The following ZBTB41 variants were observed in gnomAD, a reference collection of about 807,000 sequenced individuals.
ZBTB41 encodes zinc finger and BTB domain containing 41.
A neutral mutation model predicts 87.6 loss-of-function variants in ZBTB41; 42 were observed. The ratio of observed to expected loss-of-function variants is 0.48; its 90% confidence interval spans 0.37 to 0.62. The LOEUF (loss-of-function observed/expected upper bound fraction) is 0.62. ZBTB41 is among the 20% of genes least tolerant of loss of function. The probability of loss-of-function intolerance (pLI) is 0.00; values close to 1 mark genes in which losing one functional copy is unlikely to be tolerated. For missense variants in ZBTB41, 799 were observed against 1,078.9 expected, an observed-to-expected ratio of 0.74 and a Z score of 3.63; for synonymous variants, 364 against 364.0, an observed-to-expected ratio of 1.00 and a Z score of 0.00.
chr1:197,187,548 T>C (rs909328319), intron 5 of ZBTB41, among the ~76,000 whole-genome samples: 1 of 152,232 alleles, frequency 6.6e-6, no homozygotes, highest in African/African-American at 2.4e-5. Context: ...ATCACTGTTA[T>C]ACTATATTTT....
In ZBTB41 at chr1:197,158,614, G is replaced by C. The variant is rs1659126841; in HGVS notation, c.*745C>G. ...TAGTTAAAACTCTCATATTTTTCTTGTAACACATTTTCAGTTTGTATAATT... is the reference window on the plus strand; with the variant it reads ...TAGTTAAAACTCTCATATTTTTCTTCTAACACATTTTCAGTTTGTATAATT... On this transcript the variant is annotated 3_prime_UTR_variant, in exon 11 of 11. Coordinates refer to ENST00000367405, the MANE Select transcript of ZBTB41 (RefSeq NM_194314.3). The C allele has an allele frequency of 6.6e-6, 1 of 151,978 alleles. No individual in the cohort carries two copies. Among genetic ancestry groups the C allele is most frequent in the Admixed American group, 6.6e-5 (1 of 15,234 alleles). 9.4% of individuals were successfully genotyped at this position (151,978 alleles called of 1,614,324 possible).
At chr1:197,176,389 C>A (rs772282426) in intron 8 of ZBTB41, among the ~76,000 whole-genome samples, 175 bp downstream of exon 8, 1 of 152,046 alleles carries the variant, frequency 6.6e-6, no homozygotes, top group Admixed American at 6.6e-5. Context: ...ATGTCATAAA[C>A]TTATGTCCCT....
chr1:197,167,012 C>A (rs1366137543), intron 10 of ZBTB41, among the ~76,000 whole-genome samples: 1 of 152,156 alleles, frequency 6.6e-6, no homozygotes, highest in African/African-American at 2.4e-5. Context: ...CCCAAATCAT[C>A]TTTTGAGACC....
At position 197,158,285 on chromosome 1, in the gene ZBTB41, T is replaced by C. The variant is rs1405476332; in HGVS notation, c.*1074A>G. ...GTGAAGGCAAAATTAAAGATCTGGA[T>C]TGCATGTAAATCTGTATATAAGTAG... is the stretch of plus-strand genomic sequence containing the variant. On this transcript the variant is annotated 3_prime_UTR_variant, in exon 11 of 11. Coordinates refer to ENST00000367405, the MANE Select transcript of ZBTB41 (RefSeq NM_194314.3). 1 of 152,418 alleles carries C rather than the reference T, an allele frequency of 6.6e-6. No individual in the cohort carries two copies. The highest frequency in any genetic ancestry group is 1.9e-4 in the East Asian group (1 of 5,200). 9.4% of individuals were successfully genotyped at this position (152,418 alleles called of 1,614,324 possible).
At position 197,190,809 on chromosome 1, in the gene ZBTB41, C is replaced by A; in HGVS notation, c.1351G>T (p.Glu451Ter). 6.3e-7 allele frequency: 1 copy of A among 1,589,962 alleles called. No individual in the cohort carries two copies. Among genetic ancestry groups the A allele is most frequent in the Non-Finnish European group, 8.6e-7 (1 of 1,165,042 alleles). Residue 451 changes from glutamate to a stop codon, truncating the protein, a stop_gained, in exon 4 of 11, where the codon GAA (glutamate) becomes TAA (stop). Transcript: ENST00000367405. LOFTEE classifies it high-confidence loss of function. ...TTAGTCTTCTTAATGGAAATAAATT[C>A]TTGTGCATTTTCAGGATGAAATCTA... Reference protein sequence around the residue: ...VKRFHPENAQEFISIKKTKSE... With the variant: ...VKRFHPENAQ
Position 197,153,731 on chromosome 1 carries a change from G to T in ZBTB41, c.*5628C>A, listed in dbSNP as rs1384525421. On this transcript the variant is annotated 3_prime_UTR_variant, in exon 11 of 11. Coordinates refer to ENST00000367405, the MANE Select transcript of ZBTB41 (RefSeq NM_194314.3). ...ATTTTAAATATCAAAGTAACACAAAGAACTAGTTCAATATACAGTACACTT... is the reference window on the plus strand; with the variant it reads ...ATTTTAAATATCAAAGTAACACAAATAACTAGTTCAATATACAGTACACTT... 1 of 151,948 alleles carries T rather than the reference G, an allele frequency of 6.6e-6. No homozygotes were observed. The highest frequency in any genetic ancestry group is 6.6e-5 in the Admixed American group (1 of 15,258). 9.4% of individuals were successfully genotyped at this position (151,948 alleles called of 1,614,324 possible). A position where few individuals can be genotyped will look rare whatever the true frequency, so the allele number is the denominator to read the frequency against.
chr1:197,199,499 T>C lies in ZBTB41; in HGVS notation c.975A>G (p.Glu325=), dbSNP rs756025492. ...CTTCTTCTGCATCATTATGATCCTT[T>C]TCACTTTGTTCTTCAATGTCAGAGT... ...DEYSDIEEQS[E]KDHNDAEEEP... The change falls in exon 2 of 11, where the codon GAA becomes GAG. Residue 325 remains glutamate (E), a synonymous_variant. Coordinates refer to ENST00000367405, the MANE Select transcript of ZBTB41 (RefSeq NM_194314.3). The C allele has an allele frequency of 1.9e-6, 3 of 1,612,604 alleles. No individual in the cohort carries two copies. The highest frequency in any genetic ancestry group is 2.2e-5 in the East Asian group (1 of 44,868).
At position 197,199,833 on chromosome 1, in the gene ZBTB41, C is replaced by T; in HGVS notation, c.641G>A (p.Arg214Lys). 1 of 1,610,576 alleles carries T rather than the reference C, an allele frequency of 6.2e-7. No homozygotes were observed. The highest frequency in any genetic ancestry group is 8.5e-7 in the Non-Finnish European group (1 of 1,178,774). The change falls in exon 2 of 11, where the codon AGA (arginine) becomes AAA (lysine). Residue 214 changes from arginine (R) to lysine (K), a missense_variant. By Grantham distance (26) the Arg-to-Lys change is conservative. This residue lies in a region of ZBTB41 where 294 missense variants were observed against 340.1 expected (regional missense o/e 0.86). Coordinates refer to ENST00000367405, the MANE Select transcript of ZBTB41 (RefSeq NM_194314.3). ...TAAAGACTTTTTATAACAAAAATGT[C>T]TACTACAGAATTTGCACTGATGATT... ...SNNHQCKFCS[R>K]HFCYKKSLEN...
intron 5 of ZBTB41, among the ~76,000 whole-genome samples, chr1:197,187,537 A>C (rs1334878259): frequency 6.6e-6 from 1 of 152,206 alleles, no homozygotes; most frequent in Non-Finnish European, 1.5e-5. Context: ...ATGTGATGTA[A>C]ATCACTGTTA....
intron 2 of ZBTB41, among the ~76,000 whole-genome samples, chr1:197,198,791 C>A (rs1424623255): frequency 6.6e-6 from 1 of 152,082 alleles, no homozygotes; most frequent in Non-Finnish European, 1.5e-5. Context: ...TATAATATAA[C>A]CAGAGTGCTA....
chr1:197,181,503 TG>T (rs1254298549), intron 5 of ZBTB41, among the ~76,000 whole-genome samples: 1 of 152,136 alleles, frequency 6.6e-6, no homozygotes, highest in African/African-American at 2.4e-5. Flanking sequence ...TATTTCTATT[TG>T]GTGATACAAA....
intron 6 of ZBTB41, 145 bp from the exon 7 acceptor site, chr1:197,178,657 A>C (rs1447665940): frequency 3.8e-6 from 2 of 525,668 alleles, no homozygotes; most frequent in Admixed American, 8.0e-5. Context: ...GTTCTTTTCT[A>C]TTCTCACTAG....
At chr1:197,177,537 T>C (rs1019092489) in intron 7 of ZBTB41, among the ~76,000 whole-genome samples, 8 of 152,274 alleles carry the variant, frequency 5.3e-5, no homozygotes, top group Middle Eastern at 3.4e-3. Flanking sequence ...TACAAACTGA[T>C]ATTTAAGAAT....
In ZBTB41 at chr1:197,158,308, T is replaced by C. The variant is rs1659118735; in HGVS notation, c.*1051A>G. The C allele has an allele frequency of 6.6e-6, 1 of 152,396 alleles. No individual in the cohort carries two copies. Among genetic ancestry groups the C allele is most frequent in the South Asian group, 2.1e-4 (1 of 4,826 alleles). 9.4% of individuals were successfully genotyped at this position (152,396 alleles called of 1,614,324 possible). On this transcript the variant is annotated 3_prime_UTR_variant, in exon 11 of 11. Transcript: ENST00000367405. Reference sequence around the variant, plus strand: ...GATTGCATGTAAATCTGTATATAAGTAGTGGTTCCATTTAATTAAACAATG... The same window carrying C: ...GATTGCATGTAAATCTGTATATAAGCAGTGGTTCCATTTAATTAAACAATG...
chr1:197,195,959 T>C (rs188341633), intron 2 of ZBTB41, among the ~76,000 whole-genome samples: 2 of 152,268 alleles, frequency 1.3e-5, no homozygotes, highest in Admixed American at 1.3e-4. Context: ...GCATCTCTCA[T>C]AAACCCACCC....
rs1214483358 is a variant in ZBTB41, at chr1:197,200,396, A to G, written c.78T>C (p.Asn26=). 1 of 1,613,522 alleles carries G rather than the reference A, an allele frequency of 6.2e-7. No homozygotes were observed. Among genetic ancestry groups the G allele is most frequent in the Non-Finnish European group, 8.5e-7 (1 of 1,179,882 alleles). The change falls in exon 2 of 11, where the codon AAT becomes AAC. Residue 26 remains asparagine, a synonymous_variant. Transcript: ENST00000367405. The part of the protein sequence containing the change: ...LGYHKDSSEG[N]VAVECDQVTY... ...TCACTTGGTCACACTCCACTGCAACATTTCCTTCTGAAGAATCTTTATGAT... is the reference window on the plus strand; with the variant it reads ...TCACTTGGTCACACTCCACTGCAACGTTTCCTTCTGAAGAATCTTTATGAT...
At chr1:197,190,970 C>A (rs996498832) in intron 3 of ZBTB41, 139 bp from the exon 4 acceptor site, 9 of 533,056 alleles carry the variant, frequency 1.7e-5, no homozygotes, top group Non-Finnish European at 3.3e-6. Context: ...TAGATGAGCT[C>A]TTTAAGAAGG....
chr1:197,163,208 G>A (rs1659239800), intron 10 of ZBTB41, among the ~76,000 whole-genome samples: 1 of 152,088 alleles, frequency 6.6e-6, no homozygotes, highest in Admixed American at 6.5e-5. Flanking sequence ...TTGCTTGTGA[G>A]AAAAAATTTA....
chr1:197,163,323 A>G (rs573441135), intron 10 of ZBTB41, among the ~76,000 whole-genome samples: 1 of 152,274 alleles, frequency 6.6e-6, no homozygotes, highest in East Asian at 1.9e-4. Flanking sequence ...CCAAGAGGGG[A>G]AAAAATACAA....
Sources: gnomAD v4.1 joint callset for allele counts (sites outside exome capture counted in the v4.1 genomes callset) on GRCh38, gnomAD v4.1.1 for gene constraint, gnomAD v4.1.1 regional missense constraint, MANE v1.5 for transcripts, NCBI Gene and HGNC (gene_info 2026-07-23, HGNC 2026-07-21) for gene names.